The following GAS7 variants were observed in gnomAD, a reference collection of about 807,000 sequenced individuals.
The protein encoded by GAS7 is growth arrest-specific protein 7.
Under a neutral mutation model 71.1 loss-of-function variants are expected in GAS7, and 28 were observed. The ratio of observed to expected loss-of-function variants is 0.39; its 90% CI spans 0.29 to 0.54. GAS7 has a LOEUF of 0.54. Ranked by LOEUF, GAS7 falls within the 20% of genes least tolerant of loss-of-function variation. The probability of loss-of-function intolerance (pLI) is 0.62; values close to 1 mark genes in which losing one functional copy is unlikely to be tolerated. For synonymous variants in GAS7, 258 were observed against 245.8 expected (o/e 1.05, Z -0.46); for missense variants, 436 against 627.8 (o/e 0.69, Z 3.27).
In GAS7 at chr17:9,937,741, T is replaced by C. The variant is rs376768593; in HGVS notation, c.806+2385A>G. ...GCAGATTTGGACTGGTTTAACATCA[T>C]GGCTCGCTGACGACCACAACCATCC... On this transcript the variant is annotated intron_variant, in intron 8 of 13. Coordinates refer to ENST00000432992, the MANE Select transcript of GAS7 (RefSeq NM_201433.2). Among the ~76,000 whole-genome samples the C allele has an allele frequency of 7.6e-4, 116 of 152,354 alleles. 1 individual carries two copies. The highest frequency in any genetic ancestry group is 2.7e-3 in the African/African-American group (112 of 41,578).
intron 4 of GAS7, among the ~76,000 whole-genome samples, chr17:9,961,488 T>C (rs1349917523): frequency 6.6e-6 from 1 of 152,076 alleles, no homozygotes; most frequent in Non-Finnish European, 1.5e-5. Flanking sequence ...CATGGACACA[T>C]TACCACCATC....
chr17:10,039,015 G>A (rs998200458), intron 1 of GAS7, among the ~76,000 whole-genome samples: 3 of 152,144 alleles, frequency 2.0e-5, no homozygotes, highest in African/African-American at 7.2e-5. Flanking sequence ...ACAGGTTGCA[G>A]AATGGAGGTG....
At position 9,947,985 on chromosome 17, in the gene GAS7, T is replaced by C. The variant is rs115715787; in HGVS notation, c.526-1002A>G. Among the ~76,000 whole-genome samples the C allele has an allele frequency of 9.3e-3, 1,421 of 152,284 alleles. 26 individuals are homozygous for C. The highest frequency in any genetic ancestry group is 0.033 in the African/African-American group (1,351 of 41,544). On this transcript the variant is annotated intron_variant, in intron 5 of 13. Transcript: ENST00000432992. ...GGATGACCCACTTCCACTTAAAGAATAGTAATTATATTTTTCTTGTTTATA... is the reference window on the plus strand; with the variant it reads ...GGATGACCCACTTCCACTTAAAGAACAGTAATTATATTTTTCTTGTTTATA...
intron 1 of GAS7, among the ~76,000 whole-genome samples, chr17:10,109,039 T>C (rs992287297): frequency 6.6e-6 from 1 of 152,026 alleles, no homozygotes; most frequent in African/African-American, 2.4e-5. Context: ...AGACAATCTA[T>C]TGAATGGGAG....
chr17:9,958,140 G>A (rs1013751615), intron 5 of GAS7, among the ~76,000 whole-genome samples: 3 of 152,076 alleles, frequency 2.0e-5, no homozygotes, highest in Admixed American at 6.5e-5. Flanking sequence ...TGACTGAGAC[G>A]GGAAGAAGTC....
At chr17:10,088,754 C>T (rs1345604699) in intron 1 of GAS7, among the ~76,000 whole-genome samples, 2 of 152,176 alleles carry the variant, frequency 1.3e-5, no homozygotes, top group East Asian at 3.9e-4. Flanking sequence ...ACAAAAAACC[C>T]AGGGAAGGGA....
At chr17:10,165,578 C>A (rs181015050) in intron 1 of GAS7, among the ~76,000 whole-genome samples, 3 of 152,216 alleles carry the variant, frequency 2.0e-5, no homozygotes, top group African/African-American at 7.2e-5. Context: ...AAAACATTGG[C>A]TTTTGCCAAG....
At chr17:10,043,000 G>A (rs1039366556) in intron 1 of GAS7, among the ~76,000 whole-genome samples, 1 of 152,164 alleles carries the variant, frequency 6.6e-6, no homozygotes, top group South Asian at 2.1e-4. Context: ...GTAGGGGTGA[G>A]TCTGGCCCTT....
intron 1 of GAS7, among the ~76,000 whole-genome samples, chr17:10,035,931 C>T (rs1408590309): frequency 1.3e-5 from 2 of 152,190 alleles, no homozygotes; most frequent in African/African-American, 4.8e-5. Flanking sequence ...GTTTTATAGT[C>T]CTCAAATGGC....
intron 1 of GAS7, among the ~76,000 whole-genome samples, chr17:10,046,258 C>G (rs947475974): frequency 1.8e-4 from 28 of 152,162 alleles, no homozygotes; most frequent in Non-Finnish European, 3.4e-4. Context: ...AAAGGAGATG[C>G]AGGGGACTTC....
chr17:10,113,153 C>T (rs1185959691), intron 1 of GAS7, among the ~76,000 whole-genome samples: 2 of 151,990 alleles, frequency 1.3e-5, no homozygotes, highest in Non-Finnish European at 2.9e-5. Flanking sequence ...ACAAACTTTT[C>T]CAAGCAGAAA....
At chr17:10,000,624 T>C (rs1005974103) in intron 2 of GAS7, among the ~76,000 whole-genome samples, 1 of 152,240 alleles carries the variant, frequency 6.6e-6, no homozygotes, top group East Asian at 1.9e-4. Context: ...GAAAGTTCCT[T>C]GAGATTTTCA....
chr17:10,130,094 G>A (rs1204373514), intron 1 of GAS7, among the ~76,000 whole-genome samples: 30 of 151,792 alleles, frequency 2.0e-4, no homozygotes, highest in South Asian at 4.1e-4. Flanking sequence ...TCTTGGACCC[G>A]GGAGGTGGAG....
chr17:10,040,231 C>T (rs777162854), intron 1 of GAS7, among the ~76,000 whole-genome samples: 17 of 152,114 alleles, frequency 1.1e-4, no homozygotes, highest in Non-Finnish European at 1.3e-4. Context: ...GCCACAGGGG[C>T]AATATTCTAG....
intron 2 of GAS7, among the ~76,000 whole-genome samples, chr17:10,006,261 G>A (rs903232960): frequency 3.3e-5 from 5 of 151,370 alleles, no homozygotes; most frequent in Admixed American, 6.6e-5. Flanking sequence ...CATCTTGTCC[G>A]GATGCCAGGG....
intron 1 of GAS7, among the ~76,000 whole-genome samples, chr17:10,055,589 C>G (rs1201362152): frequency 6.6e-6 from 1 of 152,178 alleles, no homozygotes; most frequent in Non-Finnish European, 1.5e-5. Flanking sequence ...CAGGTTTTCC[C>G]CCACAAGGAA....
intron 1 of GAS7, among the ~76,000 whole-genome samples, chr17:10,194,077 C>T (rs138317062): frequency 1.3e-4 from 20 of 152,272 alleles, no homozygotes; most frequent in Non-Finnish European, 2.2e-4. Flanking sequence ...TCAAGTTTAA[C>T]GGTGACCCTC....
intron 5 of GAS7, among the ~76,000 whole-genome samples, chr17:9,956,194 G>A (rs1370229559): frequency 6.6e-6 from 1 of 152,218 alleles, no homozygotes; most frequent in Admixed American, 6.5e-5. Flanking sequence ...CACCTTGCCT[G>A]CAGCAGAGAA....
chr17:10,108,393 A>G (rs1313341788), intron 1 of GAS7, among the ~76,000 whole-genome samples: 2 of 152,176 alleles, frequency 1.3e-5, no homozygotes, highest in Non-Finnish European at 2.9e-5. Flanking sequence ...CCACACACAC[A>G]TTCTGGTGCA....
Sources: gnomAD v4.1 joint callset for allele counts (sites outside exome capture counted in the v4.1 genomes callset) on GRCh38, gnomAD v4.1.1 for gene constraint, MANE v1.5 for transcripts, NCBI Gene and HGNC (gene_info 2026-07-23, HGNC 2026-07-21) for gene names.